The following TMEM45A variants were observed in gnomAD, a reference collection of about 807,000 sequenced individuals.
TMEM45A encodes the protein transmembrane protein 45A, also known as DNA polymerase-transactivated protein 4.
In TMEM45A, 25 loss-of-function variants were observed where a neutral mutation model predicts 32.0. That is an observed-to-expected ratio of 0.78 (90% confidence interval 0.57 to 1.09). TMEM45A has a LOEUF of 1.09. TMEM45A is among the 50% of genes least tolerant of loss of function. The pLI is 0.00. For missense variants in TMEM45A, 302 were observed against 325.0 expected, an observed-to-expected ratio of 0.93 and a Z score of 0.54; for synonymous variants, 122 against 114.8, an observed-to-expected ratio of 1.06 and a Z score of -0.40.
At chr3:100,537,324 G>A (rs1354694945) in intron 1 of TMEM45A, among the ~76,000 whole-genome samples, 1 of 152,186 alleles carries the variant, frequency 6.6e-6, no homozygotes, top group Non-Finnish European at 1.5e-5. Flanking sequence ...GAGGGGTGGG[G>A]AGAACCGGAT....
At chr3:100,559,342 T>C (rs1706282561) in intron 4 of TMEM45A, among the ~76,000 whole-genome samples, 1 of 152,090 alleles carries the variant, frequency 6.6e-6, no homozygotes, top group Non-Finnish European at 1.5e-5. Flanking sequence ...GAACACAGAT[T>C]TGGGATAATG....
At chr3:100,576,455 T>TA (rs536144767) in intron 5 of TMEM45A, among the ~76,000 whole-genome samples, 2 of 150,228 alleles carry the variant, frequency 1.3e-5, no homozygotes, top group Non-Finnish European at 1.5e-5. Context: ...AAACTCCGTT[T>TA]AAAAAAAAAT....
chr3:100,569,902 A>G (rs1236496825), intron 5 of TMEM45A, among the ~76,000 whole-genome samples: 1 of 152,238 alleles, frequency 6.6e-6, no homozygotes, highest in Non-Finnish European at 1.5e-5. Context: ...AGGCCTCTTT[A>G]CAATTGAGAA....
At chr3:100,526,534 T>C (rs1056254223) in intron 1 of TMEM45A, among the ~76,000 whole-genome samples, 1 of 152,138 alleles carries the variant, frequency 6.6e-6, no homozygotes, top group Non-Finnish European at 1.5e-5. Flanking sequence ...TTTCAAGAAG[T>C]CATTTATCTT....
intron 1 of TMEM45A, among the ~76,000 whole-genome samples, chr3:100,553,012 G>C (rs1279374478): frequency 6.6e-6 from 1 of 152,160 alleles, no homozygotes; most frequent in African/African-American, 2.4e-5. Context: ...ATCCATCTTA[G>C]TATCTAAGTA....
At chr3:100,559,722 T>C (rs894017306) in intron 4 of TMEM45A, among the ~76,000 whole-genome samples, 1 of 152,098 alleles carries the variant, frequency 6.6e-6, no homozygotes, top group Non-Finnish European at 1.5e-5. Context: ...TGACTTCTGG[T>C]TAAGATGACT....
chr3:100,566,874 A>G (rs1288375145), intron 4 of TMEM45A, among the ~76,000 whole-genome samples: 1 of 151,964 alleles, frequency 6.6e-6, no homozygotes, highest in Non-Finnish European at 1.5e-5. Flanking sequence ...TTCTTTTTAT[A>G]TTCTAGATAT....
chr3:100,572,115 A>AG (rs1706573957), intron 5 of TMEM45A: 1 of 152,264 alleles, frequency 6.6e-6, no homozygotes, highest in African/African-American at 2.4e-5. Context: ...GTATATACCC[A>AG]GTAATGGGAT....
chr3:100,502,956 CCTT>C (rs1300860914), intron 1 of TMEM45A, among the ~76,000 whole-genome samples: 2 of 151,432 alleles, frequency 1.3e-5, no homozygotes, highest in East Asian at 3.9e-4. Flanking sequence ...TTCTCCTTCT[CCTT>C]CTTCTCCTCC....
intron 1 of TMEM45A, among the ~76,000 whole-genome samples, chr3:100,500,473 C>G (rs532585436): frequency 6.6e-6 from 1 of 152,034 alleles, no homozygotes; most frequent in East Asian, 2.0e-4. Flanking sequence ...ATTTGTTGAA[C>G]GAGGCCTGTT....
intron 1 of TMEM45A, among the ~76,000 whole-genome samples, chr3:100,540,780 C>T (rs1051031618): frequency 1.1e-4 from 16 of 152,154 alleles, no homozygotes; most frequent in African/African-American, 1.2e-4. Flanking sequence ...CAATTGTCAA[C>T]GATGCACAAA....
intron 5 of TMEM45A, chr3:100,572,336 T>G (rs977978155): frequency 6.6e-6 from 1 of 152,134 alleles, no homozygotes; most frequent in Admixed American, 6.5e-5. Context: ...TGATTTGCAT[T>G]TCTCTGATGG....
intron 1 of TMEM45A, among the ~76,000 whole-genome samples, chr3:100,540,048 G>A (rs80146125): frequency 0.03 from 4,598 of 152,096 alleles, 92 homozygotes; most frequent in Non-Finnish European, 0.045. Flanking sequence ...CTTGGGTGTG[G>A]AAAAGGGTTT....
chr3:100,546,152 G>C (rs1189293304), intron 1 of TMEM45A, among the ~76,000 whole-genome samples: 1 of 152,212 alleles, frequency 6.6e-6, no homozygotes, highest in African/African-American at 2.4e-5. Flanking sequence ...AAAAGGGAAA[G>C]ACATGTATTC....
At chr3:100,562,315 A>G (rs1363495358) in intron 4 of TMEM45A, among the ~76,000 whole-genome samples, 1 of 152,140 alleles carries the variant, frequency 6.6e-6, no homozygotes, top group Non-Finnish European at 1.5e-5. Flanking sequence ...GAGTTGTGGC[A>G]GTTTCTAGCC....
chr3:100,549,940 T>A (rs1576284584), intron 1 of TMEM45A, among the ~76,000 whole-genome samples: 2 of 151,100 alleles, frequency 1.3e-5, no homozygotes, highest in South Asian at 2.1e-4. Context: ...GGTGTATATG[T>A]GCCACATTTT....
chr3:100,494,626 C>T (rs1363601552), intron 1 of TMEM45A, among the ~76,000 whole-genome samples: 4 of 142,676 alleles, frequency 2.8e-5, no homozygotes, highest in East Asian at 2.2e-4. Context: ...AGTGAGACTC[C>T]GTCTAAAAAA....
intron 1 of TMEM45A, among the ~76,000 whole-genome samples, chr3:100,521,027 C>T (rs1459520915): frequency 6.6e-6 from 1 of 152,166 alleles, no homozygotes; most frequent in Non-Finnish European, 1.5e-5. Context: ...AGGGGGATAT[C>T]TGCTTTCTGG....
intron 1 of TMEM45A, among the ~76,000 whole-genome samples, chr3:100,515,720 T>C (rs1485415236): frequency 1.3e-5 from 2 of 151,942 alleles, no homozygotes; most frequent in Non-Finnish European, 1.5e-5. Context: ...CAGGTCATTA[T>C]GTTAAGTGAA....
Sources: gnomAD v4.1 joint callset for allele counts (sites outside exome capture counted in the v4.1 genomes callset) on GRCh38, gnomAD v4.1.1 for gene constraint, MANE v1.5 for transcripts, NCBI Gene and HGNC (gene_info 2026-07-23, HGNC 2026-07-21) for gene names.